Variants in SMYD3 observed in about 807,000 individuals in gnomAD.
The protein encoded by SMYD3 is histone-lysine N-methyltransferase SMYD3.
A neutral mutation model predicts 57.7 loss-of-function variants in SMYD3; 36 were observed. That is an observed-to-expected ratio of 0.62 (90% CI 0.48 to 0.82). The LOEUF is 0.82. Ranked by LOEUF, SMYD3 falls within the 40% of genes least tolerant of loss-of-function variation. SMYD3 has a pLI of 0.00. For synonymous variants in SMYD3, 211 were observed against 195.0 expected, an observed-to-expected ratio of 1.08 and a Z score of -0.68; for missense variants, 515 against 538.8, an observed-to-expected ratio of 0.96 and a Z score of 0.44.
intron 10 of SMYD3, among the ~76,000 whole-genome samples, chr1:245,824,837 CA>C (rs1300771751): frequency 4.9e-5 from 6 of 122,642 alleles, no homozygotes; most frequent in South Asian, 2.6e-4. Flanking sequence ...GCCTGGGCAA[CA>C]AGAACGAAAC....
At chr1:246,083,019 G>A (rs955108377) in intron 5 of SMYD3, among the ~76,000 whole-genome samples, 9 of 150,830 alleles carry the variant, frequency 6.0e-5, no homozygotes, top group Non-Finnish European at 1.2e-4. Context: ...GCCAGGTATT[G>A]TCCAAGGTTT....
At chr1:246,313,534 A>C (rs185892755) in intron 5 of SMYD3, among the ~76,000 whole-genome samples, 5 of 152,370 alleles carry the variant, frequency 3.3e-5, no homozygotes, top group African/African-American at 1.2e-4. Context: ...ACAGCTCTGC[A>C]TAAACAGTGT....
At chr1:245,981,192 G>T (rs1188173634) in intron 5 of SMYD3, among the ~76,000 whole-genome samples, 1 of 152,202 alleles carries the variant, frequency 6.6e-6, no homozygotes, top group East Asian at 1.9e-4. Flanking sequence ...TAAACATGAG[G>T]CCAAATAAAT....
At chr1:245,972,546 G>A (rs941808782) in intron 5 of SMYD3, among the ~76,000 whole-genome samples, 23 of 152,206 alleles carry the variant, frequency 1.5e-4, no homozygotes, top group African/African-American at 5.3e-4. Context: ...AATATTGCTA[G>A]GTGTTCACCA....
At chr1:246,310,272 A>G (rs1312965934) in intron 5 of SMYD3, among the ~76,000 whole-genome samples, 1 of 152,172 alleles carries the variant, frequency 6.6e-6, no homozygotes, top group African/African-American at 2.4e-5. Flanking sequence ...CTGAAAAGAG[A>G]GAATGACACG....
At chr1:245,764,221 C>G (rs949037871) in intron 10 of SMYD3, 72 bp from the exon 11 acceptor site, 1 of 1,005,356 alleles carries the variant, frequency 9.9e-7, no homozygotes, top group Non-Finnish European at 1.6e-6. Context: ...CAGGAGACTA[C>G]GAAAGTGGAA....
At chr1:246,070,345 AAT>A (rs950817384) in intron 5 of SMYD3, among the ~76,000 whole-genome samples, 1 of 152,212 alleles carries the variant, frequency 6.6e-6, no homozygotes, top group Non-Finnish European at 1.5e-5. Flanking sequence ...ATTAGGTCCA[AAT>A]ATACTCTCTT....
chr1:246,202,528 C>T lies in SMYD3; in HGVS notation c.531+124673G>A, dbSNP rs1302611871. Among the ~76,000 whole-genome samples the T allele has an allele frequency of 6.6e-6, 1 of 152,164 alleles. No homozygotes were observed. Among genetic ancestry groups the T allele is most frequent in the Non-Finnish European group, 1.5e-5 (1 of 68,034 alleles). On this transcript the variant is annotated intron_variant, in intron 5 of 11. Transcript: ENST00000490107. The surrounding 1 kb of genome is among the most constrained non-coding windows in gnomAD (Gnocchi z 4.1). ...TTCCCCCTTTCCTCAGAGGCTTTTC[C>T]AGAGACTTCTCCCTTTCCTCAGTTC...
chr1:245,786,395 A>C (rs2047050986), intron 10 of SMYD3, among the ~76,000 whole-genome samples: 1 of 152,172 alleles, frequency 6.6e-6, no homozygotes, highest in African/African-American at 2.4e-5. Context: ...TGTACAGTTT[A>C]TCATGTTGCT....
chr1:245,764,039 A>G lies in SMYD3; in HGVS notation c.1185+2T>C. On this transcript the variant is annotated splice_donor_variant, in intron 11 of 11. Coordinates refer to ENST00000490107, the MANE Select transcript of SMYD3 (RefSeq NM_001167740.2). LOFTEE classifies it high-confidence loss of function. ...AACTATGTGAGATCTTGGCACACTC[A>G]CCAGTCTCAGATTCTTCATTGCTTG... 1.9e-6 allele frequency: 3 copies of G among 1,608,176 alleles called. No individual in the cohort carries two copies. Among genetic ancestry groups the G allele is most frequent in the Non-Finnish European group, 2.6e-6 (3 of 1,174,612 alleles).
intron 5 of SMYD3, among the ~76,000 whole-genome samples, chr1:246,020,625 C>A (rs376320971): frequency 6.6e-6 from 1 of 152,200 alleles, no homozygotes; most frequent in East Asian, 1.9e-4. Flanking sequence ...TTGAACTGAG[C>A]GCTATATGTC....
intron 8 of SMYD3, among the ~76,000 whole-genome samples, chr1:245,905,652 G>C (rs1443347663): frequency 6.6e-6 from 1 of 152,228 alleles, no homozygotes; most frequent in African/African-American, 2.4e-5. Flanking sequence ...TGGCCCTGAA[G>C]GGAAGGGCAT....
intron 8 of SMYD3, among the ~76,000 whole-genome samples, chr1:245,867,102 C>G (rs2051898224): frequency 6.6e-6 from 1 of 152,172 alleles, no homozygotes; most frequent in African/African-American, 2.4e-5. Flanking sequence ...ATCAGCTGAC[C>G]TTAAAATAGC....
chr1:246,026,649 T>C (rs1222286231), intron 5 of SMYD3, among the ~76,000 whole-genome samples: 3 of 152,238 alleles, frequency 2.0e-5, no homozygotes, highest in African/African-American at 4.8e-5. Context: ...AGTGCCCATA[T>C]GAGACAGTTA....
chr1:246,046,663 T>G (rs2059971701), intron 5 of SMYD3, among the ~76,000 whole-genome samples: 1 of 148,066 alleles, frequency 6.8e-6, no homozygotes, highest in South Asian at 2.1e-4. Context: ...TTTATATATT[T>G]TTTTAATATA....
At chr1:246,113,217 AAAT>A (rs2061283182) in intron 5 of SMYD3, among the ~76,000 whole-genome samples, 1 of 150,452 alleles carries the variant, frequency 6.6e-6, no homozygotes, top group Non-Finnish European at 1.5e-5. Context: ...ATAAATAAAT[AAAT>A]AAATAAATAA....
At chr1:246,284,096 C>G (rs201564677) in intron 5 of SMYD3, among the ~76,000 whole-genome samples, 28 of 152,284 alleles carry the variant, frequency 1.8e-4, no homozygotes, top group Admixed American at 4.6e-4. Flanking sequence ...AAAAGTACTT[C>G]CTCAGAGCCA....
intron 5 of SMYD3, among the ~76,000 whole-genome samples, chr1:246,292,276 A>C (rs1297750539): frequency 6.6e-6 from 1 of 151,846 alleles, no homozygotes; most frequent in African/African-American, 2.4e-5. Flanking sequence ...ACTATCCAAC[A>C]CACCAGTACC....
intron 5 of SMYD3, among the ~76,000 whole-genome samples, chr1:246,303,625 C>T (rs1485683934): frequency 6.6e-6 from 1 of 151,704 alleles, no homozygotes; most frequent in East Asian, 1.9e-4. Flanking sequence ...ATGAAGAACC[C>T]AAAGATACAG....
Sources: allele counts gnomAD v4.1 joint callset (sites outside exome capture counted in the v4.1 genomes callset), GRCh38; gene constraint gnomAD v4.1.1; non-coding constraint Gnocchi (gnomAD v3.1); transcripts MANE v1.5; gene names NCBI Gene and HGNC (gene_info 2026-07-23, HGNC 2026-07-21).